Variants in RMC1 observed in about 807,000 individuals in gnomAD.
RMC1 encodes the protein regulator of MON1-CCZ1 complex.
RMC1 carries 44 observed loss-of-function variants against 95.5 expected under a neutral mutation model. The ratio of observed to expected loss-of-function variants is 0.46; its 90% confidence interval spans 0.36 to 0.59. The LOEUF is 0.59. RMC1 is among the 20% of genes least tolerant of loss of function. RMC1 has a pLI of 0.00. For missense variants in RMC1, 705 were observed against 819.6 expected (o/e 0.86, Z 1.71); for synonymous variants, 320 against 303.6 (o/e 1.05, Z -0.56).
chr18:23,524,595 C>G lies in RMC1; in HGVS notation c.1060+113C>G, dbSNP rs2058238644. ...ATCTCTTAGAAATGACCCCTCCTTT[C>G]AAGCGTGGGAATGGGATTTTTTTTT... On this transcript the variant is annotated intron_variant, in intron 12 of 19. Coordinates refer to ENST00000269221, the MANE Select transcript of RMC1 (RefSeq NM_013326.5). 3 of 1,071,688 alleles carry G rather than the reference C, an allele frequency of 2.8e-6. No individual in the cohort carries two copies. The Admixed American group carries it at 6.2e-5, about 22-fold the overall frequency. The allele number at this position is 1,071,688 out of a possible 1,614,324, so 66.4% of individuals were successfully genotyped here. A position where few individuals can be genotyped will look rare whatever the true frequency, so the allele number is the denominator to read the frequency against.
rs1483483605 is a variant in RMC1 at position 23,517,730 on chromosome 18, A to AT, written c.654-1152dup. Among the ~76,000 whole-genome samples the AT allele has an allele frequency of 2.7e-5, 4 of 150,304 alleles. No individual in the cohort carries two copies. The South Asian group carries it at 6.3e-4, about 24-fold the overall frequency. On this transcript the variant is annotated intron_variant, in intron 7 of 19. Coordinates refer to ENST00000269221, the MANE Select transcript of RMC1 (RefSeq NM_013326.5). ...CTGTGGCATTCCTGTTTATTTTTAA[A>AT]TTTTTTTTGGAGAGTGTCGCTCTGT...
At position 23,512,489 on chromosome 18, in the gene RMC1, C is replaced by T. The variant is rs539051571; in HGVS notation, c.408+3210C>T. Reference sequence around the variant, plus strand: ...AGGCTGGAGTACAGTGGCACAATCACGGCTCACTGCAGCCTCGACCTCCTA... The same window carrying T: ...AGGCTGGAGTACAGTGGCACAATCATGGCTCACTGCAGCCTCGACCTCCTA... On this transcript the variant is annotated intron_variant, in intron 5 of 19. Coordinates refer to ENST00000269221, the MANE Select transcript of RMC1 (RefSeq NM_013326.5). 9.2e-5 allele frequency among the ~76,000 whole-genome samples: 14 copies of T among 152,280 alleles called. No individual in the cohort carries two copies. In the East Asian group the frequency reaches 9.6e-4, roughly 10 times the overall value.
intron 7 of RMC1, among the ~76,000 whole-genome samples, chr18:23,517,144 T>C (rs913563457): frequency 2.0e-5 from 3 of 152,152 alleles, no homozygotes; most frequent in Non-Finnish European, 4.4e-5. Flanking sequence ...ATATTTTCTT[T>C]TACTTTTTTT....
intron 9 of RMC1, 82 bp downstream of exon 9, chr18:23,519,256 G>A (rs1038685108): frequency 6.4e-6 from 8 of 1,244,198 alleles, no homozygotes; most frequent in South Asian, 4.9e-5. Context: ...GGTGGATCAC[G>A]CCTGTAATCC....
chr18:23,531,654 T>C lies in RMC1; in HGVS notation c.1924T>C (p.Phe642Leu). The change falls in exon 20 of 20, where the codon TTC (phenylalanine) becomes CTC (leucine). Residue 642 changes from phenylalanine to leucine, a missense_variant. By Grantham distance (22) the Phe-to-Leu change is conservative. Transcript: ENST00000269221. ...ACACTGTGAAGAACATGTTGCTTTT[T>C]TCAAACAGATTTTTGGAGACCAAGC... ...GEHCEEHVAF[F>L]KQIFGDQALM... is the part of the protein sequence containing the mutation. 2 of 1,613,552 alleles carry C rather than the reference T, an allele frequency of 1.2e-6. No homozygotes were observed. Among genetic ancestry groups the C allele is most frequent in the Non-Finnish European group, 1.7e-6 (2 of 1,179,914 alleles).
Position 23,530,621 on chromosome 18 carries a change from G to A in RMC1, c.1894+9G>A, listed in dbSNP as rs1459858891. On this transcript the variant is annotated intron_variant, in intron 19 of 19. Coordinates refer to ENST00000269221, the MANE Select transcript of RMC1 (RefSeq NM_013326.5). ...CCCCAATTTCACACCAGGTGAGAAT[G>A]CAATGAAAAGACTTGGGGTAACCAT... The A allele has an allele frequency of 5.0e-6, 8 of 1,610,552 alleles. No homozygotes were observed. The South Asian group carries it at 6.6e-5, about 13-fold the overall frequency.
At chr18:23,516,537 G>T (rs756409120) in intron 7 of RMC1, 114 bp downstream of exon 7, 213 of 1,039,760 alleles carry the variant, frequency 2.0e-4, no homozygotes, top group Admixed American at 1.6e-4. Flanking sequence ...CACATAAGGA[G>T]GACTCCCCTT....
chr18:23,526,187 G>A (rs1352233162), intron 12 of RMC1, among the ~76,000 whole-genome samples: 3 of 152,232 alleles, frequency 2.0e-5, no homozygotes, highest in Non-Finnish European at 4.4e-5. Context: ...GATGAGTTAT[G>A]ATGTTCCATT....
intron 1 of RMC1, 63 bp downstream of exon 1, chr18:23,503,783 C>T: frequency 7.2e-7 from 1 of 1,383,596 alleles, no homozygotes; most frequent in Non-Finnish European, 9.7e-7. Flanking sequence ...GCGCCAAGGC[C>T]GGTCCCGCGC....
intron 18 of RMC1, 31 bp from the exon 19 acceptor site, chr18:23,530,356 A>G: frequency 5.6e-6 from 9 of 1,613,898 alleles, no homozygotes; most frequent in Non-Finnish European, 7.6e-6. Flanking sequence ...TGTTGTTTGC[A>G]CTGACCTGGA....
At chr18:23,530,352 T>C (rs754288968) in intron 18 of RMC1, 35 bp from the exon 19 acceptor site, 2 of 1,614,012 alleles carry the variant, frequency 1.2e-6, no homozygotes, top group African/African-American at 2.7e-5. Flanking sequence ...TTCCTGTTGT[T>C]TGCACTGACC....
chr18:23,512,842 A>G (rs2057899229), intron 5 of RMC1, among the ~76,000 whole-genome samples: 1 of 152,316 alleles, frequency 6.6e-6, no homozygotes, highest in Admixed American at 6.5e-5. Context: ...TTGTTATGAA[A>G]TAGCTCCAGA....
chr18:23,526,834 G>T, intron 13 of RMC1, 69 bp downstream of exon 13: 1 of 1,563,776 alleles, frequency 6.4e-7, no homozygotes, highest in Non-Finnish European at 8.7e-7. Flanking sequence ...CTTTTTATCG[G>T]GATGTGGGCT....
At chr18:23,512,704 T>A (rs1400671873) in intron 5 of RMC1, among the ~76,000 whole-genome samples, 1 of 151,986 alleles carries the variant, frequency 6.6e-6, no homozygotes, top group Non-Finnish European at 1.5e-5. Flanking sequence ...AGTGCTGGGA[T>A]TTATGGGCAT....
rs2058408505 is a variant in RMC1 at position 23,529,249 on chromosome 18, A to C, written c.1367A>C (p.Asp456Ala). Residue 456 changes from aspartate to alanine, a missense_variant, in exon 15 of 20, where the codon GAC (aspartate) becomes GCC (alanine). By Grantham distance (126) the Asp-to-Ala change is moderately radical (BLOSUM62 -2). Coordinates refer to ENST00000269221, the MANE Select transcript of RMC1 (RefSeq NM_013326.5). ...KRPVRTQAVL[D>A]QSDVYTHVLS... is the part of the protein sequence containing the mutation. ...CCGGTGCGGACCCAGGCGGTGCTGG[A>C]CCAGTCAGATGTGTACACCCATGTC... 3 of 1,614,074 alleles carry C rather than the reference A, an allele frequency of 1.9e-6. No homozygotes were observed. Among genetic ancestry groups the C allele is most frequent in the Non-Finnish European group, 2.5e-6 (3 of 1,180,038 alleles).
chr18:23,520,299 A>G lies in RMC1; in HGVS notation c.947A>G (p.Gln316Arg). 6.2e-7 allele frequency: 1 copy of G among 1,613,706 alleles called. No homozygotes were observed. The highest frequency in any genetic ancestry group is 8.5e-7 in the Non-Finnish European group (1 of 1,179,650). ...CCCGCTCGATCGATCCAGCCCTATC[A>G]GATCCCCATCACAGGTAACACGGGT... is the stretch of plus-strand genomic sequence containing the variant. ...VLPARSIQPY[Q>R]IPITGPAAVT... Residue 316 changes from glutamine (Q) to arginine (R), a missense_variant, in exon 10 of 20, where the codon CAG becomes CGG. Transcript: ENST00000269221.
chr18:23,510,217 G>C (rs1229092817), intron 5 of RMC1, among the ~76,000 whole-genome samples: 1 of 151,676 alleles, frequency 6.6e-6, no homozygotes, highest in African/African-American at 2.4e-5. Context: ...CCAGCTACTT[G>C]GGAGGCTGAA....
At chr18:23,505,596 A>T (rs1348486120) in intron 2 of RMC1, among the ~76,000 whole-genome samples, 1 of 152,234 alleles carries the variant, frequency 6.6e-6, no homozygotes, top group Non-Finnish European at 1.5e-5. Flanking sequence ...GTTTGGCAAG[A>T]TCATGCTGTT....
In RMC1 at chr18:23,520,146, G is replaced by T. The variant is rs962145255; in HGVS notation, c.850-56G>T. The T allele has an allele frequency of 4.4e-6, 6 of 1,354,982 alleles. No homozygotes were observed. In the Admixed American group the frequency reaches 1.0e-4, roughly 23 times the overall value. 83.9% of individuals were successfully genotyped at this position (1,354,982 alleles called of 1,614,324 possible). A position where few individuals can be genotyped will look rare whatever the true frequency, so the allele number is the denominator to read the frequency against. On this transcript the variant is annotated intron_variant, in intron 9 of 19. Transcript: ENST00000269221. ...AACAGCAAGATGGGATGGAATGAAAGCAACTGGGCAAACCATGATTGATTT... is the reference window on the plus strand; with the variant it reads ...AACAGCAAGATGGGATGGAATGAAATCAACTGGGCAAACCATGATTGATTT...
Sources: allele counts gnomAD v4.1 joint callset (sites outside exome capture counted in the v4.1 genomes callset), GRCh38; gene constraint gnomAD v4.1.1; transcripts MANE v1.5; gene names NCBI Gene and HGNC (gene_info 2026-07-23, HGNC 2026-07-21).